The following LRPPRC variants were observed in gnomAD, a reference collection of about 807,000 sequenced individuals.
LRPPRC encodes leucine-rich PPR motif-containing protein, mitochondrial.
LRPPRC carries 120 observed loss-of-function variants against 180.3 expected under a neutral mutation model. The observed-to-expected ratio is 0.67, with a 90% CI of 0.57 to 0.77. The LOEUF (loss-of-function observed/expected upper bound fraction) is 0.77, where lower values mean the gene tolerates loss of function less well. Ranked by LOEUF, LRPPRC falls within the 30% of genes least tolerant of loss-of-function variation. The pLI, the probability that LRPPRC is intolerant of heterozygous loss-of-function variation, is 0.00. For synonymous variants in LRPPRC, 723 were observed against 600.0 expected, an observed-to-expected ratio of 1.21 and a Z score of -3.00; for missense variants, 2,012 against 1,657.2, an observed-to-expected ratio of 1.21 and a Z score of -3.72.
chr2:43,955,458 G>C lies in LRPPRC; in HGVS notation c.1649+1927C>G, dbSNP rs1673070868. 2.3e-5 allele frequency among the ~76,000 whole-genome samples: 3 copies of C among 130,918 alleles called. No homozygotes were observed. The Admixed American group carries it at 2.6e-4, about 11-fold the overall frequency. 85.9% of individuals were successfully genotyped at this position (130,918 alleles called of 152,430 possible). A position where few individuals can be genotyped will look rare whatever the true frequency, so the allele number is the denominator to read the frequency against. ...CACTGCAGCCTGGGTGACAGAGCAA[G>C]ACTCTGTCTCAAAAAGAAAAAAAAA... On this transcript the variant is annotated intron_variant, in intron 14 of 37. Coordinates refer to ENST00000260665, the MANE Select transcript of LRPPRC (RefSeq NM_133259.4).
At chr2:43,962,538 GTT>G (rs747852244) in intron 12 of LRPPRC, among the ~76,000 whole-genome samples, 62 of 152,260 alleles carry the variant, frequency 4.1e-4, no homozygotes, top group Non-Finnish European at 7.4e-4. Flanking sequence ...AGCACTTTTT[GTT>G]TTGTTTTTGT....
At chr2:43,949,704 A>G in intron 15 of LRPPRC, 45 bp from the exon 16 acceptor site, 4 of 1,201,206 alleles carry the variant, frequency 3.3e-6, no homozygotes, top group South Asian at 1.2e-5. Context: ...AGAAGCAAAC[A>G]AGAACAAACA....
intron 27 of LRPPRC, among the ~76,000 whole-genome samples, chr2:43,924,356 A>T (rs932794739): frequency 6.6e-6 from 1 of 152,204 alleles, no homozygotes; most frequent in South Asian, 2.1e-4. Flanking sequence ...AGAGAGATCG[A>T]AAGTTTCAGA....
At chr2:43,919,816 T>TA (rs1671631657) in intron 27 of LRPPRC, among the ~76,000 whole-genome samples, 2 of 151,980 alleles carry the variant, frequency 1.3e-5, no homozygotes, top group African/African-American at 4.8e-5. Flanking sequence ...AATTTGCTAG[T>TA]ATGTATAAGA....
intron 21 of LRPPRC, among the ~76,000 whole-genome samples, chr2:43,945,806 G>T (rs1035151176): frequency 3.3e-5 from 5 of 152,008 alleles, no homozygotes; most frequent in African/African-American, 4.8e-5. Flanking sequence ...TATTGAAAGG[G>T]AAATGTTATC....
Position 43,973,616 on chromosome 2 carries a change from T to C in LRPPRC, c.1360A>G (p.Asn454Asp). Residue 454 changes from asparagine to aspartate, a missense_variant, in exon 11 of 38, where the codon AAT (asparagine) becomes GAT (aspartate). Transcript: ENST00000260665. ...PLLVGRRKEK[N>D]VQGIIEILKG... is the part of the protein sequence containing the mutation. Reference sequence around the variant, plus strand: ...AAAGGCAAAATCTAACCTTGAACATTTTTTTCCTTCCGACGTCCAACTAGC... The same window carrying C: ...AAAGGCAAAATCTAACCTTGAACATCTTTTTCCTTCCGACGTCCAACTAGC... 2 of 1,612,444 alleles carry C rather than the reference T, an allele frequency of 1.2e-6. No homozygotes were observed. The highest frequency in any genetic ancestry group is 1.7e-6 in the Non-Finnish European group (2 of 1,178,516).
In LRPPRC at chr2:43,912,539, C is replaced by A; in HGVS notation, c.3168G>T (p.Leu1056=). The A allele has an allele frequency of 6.2e-7, 1 of 1,609,300 alleles. No individual in the cohort carries two copies. Among genetic ancestry groups the A allele is most frequent in the South Asian group, 1.1e-5 (1 of 90,954 alleles). Residue 1056 remains leucine (L), a synonymous_variant, in exon 30 of 38, where the codon CTG becomes CTT. Transcript: ENST00000260665. ...NQKKGAYDIF[L]NAKEQNIVFN... ...ACACAATGTTTTGCTCTTTTGCATT[C>A]AGGAAAATATCATATGCCCCTATGA... is the stretch of plus-strand genomic sequence containing the variant.
chr2:43,965,627 T>C (rs1673521789), intron 11 of LRPPRC, among the ~76,000 whole-genome samples: 1 of 152,136 alleles, frequency 6.6e-6, no homozygotes, highest in African/African-American at 2.4e-5. Flanking sequence ...AAGGGGCTAA[T>C]ACCTAAAATA....
At chr2:43,984,619 AT>A (rs1303585030) in intron 1 of LRPPRC, among the ~76,000 whole-genome samples, 2 of 152,192 alleles carry the variant, frequency 1.3e-5, no homozygotes, top group Non-Finnish European at 2.9e-5. Context: ...TCCAGAACTT[AT>A]TTTTAAATTC....
At chr2:43,900,947 G>A (rs533128156) in intron 32 of LRPPRC, among the ~76,000 whole-genome samples, 27 of 152,158 alleles carry the variant, frequency 1.8e-4, no homozygotes, top group African/African-American at 5.1e-4. Flanking sequence ...ATAAGCTTGC[G>A]GGGCCTTCTG....
At chr2:43,956,479 G>T (rs1283807317) in intron 14 of LRPPRC, among the ~76,000 whole-genome samples, 1 of 18,992 alleles carries the variant, frequency 5.3e-5, no homozygotes, top group Non-Finnish European at 7.8e-5. Flanking sequence ...AGAAAAAAAC[G>T]TGTGTGTGTG....
chr2:43,911,540 T>C, intron 30 of LRPPRC, among the ~76,000 whole-genome samples: 1 of 147,422 alleles, frequency 6.8e-6, no homozygotes, highest in Non-Finnish European at 1.5e-5. Flanking sequence ...TTTTTTTTTT[T>C]TTTTGAGACA....
intron 30 of LRPPRC, among the ~76,000 whole-genome samples, chr2:43,909,948 G>A (rs946192614): frequency 2.6e-5 from 4 of 152,108 alleles, no homozygotes; most frequent in South Asian, 2.1e-4. Flanking sequence ...GAGGATTATA[G>A]TAAGAAATGA....
At chr2:43,994,875 C>T (rs944113110) in intron 1 of LRPPRC, among the ~76,000 whole-genome samples, 3 of 152,234 alleles carry the variant, frequency 2.0e-5, no homozygotes, top group Non-Finnish European at 4.4e-5. Context: ...CTATCTGACA[C>T]CCACTTAGAG....
Position 43,973,656 on chromosome 2 carries a change from G to A in LRPPRC, c.1320C>T (p.His440=). Reference sequence around the variant, plus strand: ...GTCCAACTAGCAATGGCCAGAAATAGTGAGGTCTGATAGGAAAACCTTCCT... The same window carrying A: ...GTCCAACTAGCAATGGCCAGAAATAATGAGGTCTGATAGGAAAACCTTCCT... ...VKEEGFPIRP[H]YFWPLLVGRR... The change falls in exon 11 of 38, where the codon CAC becomes CAT. Residue 440 remains histidine (H), a synonymous_variant. Coordinates refer to ENST00000260665, the MANE Select transcript of LRPPRC (RefSeq NM_133259.4). 6.2e-7 allele frequency: 1 copy of A among 1,614,060 alleles called. No homozygotes were observed. The highest frequency in any genetic ancestry group is 8.5e-7 in the Non-Finnish European group (1 of 1,179,914).
intron 23 of LRPPRC, among the ~76,000 whole-genome samples, chr2:43,943,465 C>CA (rs1207382019): frequency 2.0e-5 from 3 of 151,838 alleles, no homozygotes; most frequent in African/African-American, 4.8e-5. Context: ...CATGCTCCTA[C>CA]AAAAAAAGCA....
intron 25 of LRPPRC, among the ~76,000 whole-genome samples, chr2:43,933,717 A>C (rs775925700): frequency 8.4e-4 from 128 of 152,230 alleles, no homozygotes; most frequent in Non-Finnish European, 1.5e-3. Context: ...AAAAAGAAGA[A>C]GAAAATTTAA....
intron 14 of LRPPRC, among the ~76,000 whole-genome samples, chr2:43,951,800 T>C (rs1672915071): frequency 6.6e-6 from 1 of 151,574 alleles, no homozygotes; most frequent in African/African-American, 2.4e-5. Context: ...ACTTCTATTT[T>C]AACTCTCAAC....
At chr2:43,916,726 G>C (rs1461540075) in intron 29 of LRPPRC, among the ~76,000 whole-genome samples, 1 of 152,002 alleles carries the variant, frequency 6.6e-6, no homozygotes, top group East Asian at 1.9e-4. Flanking sequence ...GGCCGAGGTG[G>C]GAGGACCACT....
Sources: allele counts gnomAD v4.1 joint callset (sites outside exome capture counted in the v4.1 genomes callset), GRCh38; gene constraint gnomAD v4.1.1; transcripts MANE v1.5; gene names NCBI Gene and HGNC (gene_info 2026-07-23, HGNC 2026-07-21).